NDUFAF2: variants seen among roughly 807,000 people sequenced by gnomAD.
The protein encoded by NDUFAF2 is NADH dehydrogenase [ubiquinone] 1 alpha subcomplex assembly factor 2.
A neutral mutation model predicts 22.8 loss-of-function variants in NDUFAF2; 13 were observed. The ratio of observed to expected loss-of-function variants is 0.57; its 90% CI spans 0.37 to 0.91. The LOEUF is 0.91. Ranked by LOEUF, NDUFAF2 falls within the 40% of genes least tolerant of loss-of-function variation. NDUFAF2 has a pLI of 0.01. For missense variants in NDUFAF2, 162 were observed against 195.2 expected (o/e 0.83, Z 1.01); for synonymous variants, 53 against 64.2 (o/e 0.83, Z 0.84).
chr5:61,109,881 C>T (rs1752816959), intron 3 of NDUFAF2, among the ~76,000 whole-genome samples: 1 of 152,156 alleles, frequency 6.6e-6, no homozygotes, highest in Non-Finnish European at 1.5e-5. Context: ...TAATAAATTA[C>T]CTGGTCTCAA....
chr5:61,100,711 T>C (rs1279384191), intron 3 of NDUFAF2, among the ~76,000 whole-genome samples: 1 of 152,114 alleles, frequency 6.6e-6, no homozygotes, highest in African/African-American at 2.4e-5. Flanking sequence ...GATAGTGAGT[T>C]CCTTTTTTTC....
intron 3 of NDUFAF2, among the ~76,000 whole-genome samples, chr5:61,127,378 A>T (rs911254477): frequency 3.9e-5 from 6 of 152,204 alleles, no homozygotes; most frequent in African/African-American, 1.4e-4. Flanking sequence ...ATTGATGCAA[A>T]AATCCTCAAT....
intron 1 of NDUFAF2, among the ~76,000 whole-genome samples, chr5:61,037,767 G>C (rs1182309276): frequency 6.6e-6 from 1 of 151,898 alleles, no homozygotes; most frequent in Non-Finnish European, 1.5e-5. Context: ...CATATCTTTG[G>C]AAATGGTTCT....
chr5:60,980,473 A>G lies in NDUFAF2; in HGVS notation c.127+35091A>G, dbSNP rs188960254. On this transcript the variant is annotated intron_variant, in intron 1 of 3. Coordinates refer to ENST00000296597, the MANE Select transcript of NDUFAF2 (RefSeq NM_174889.5). ...TAATTTTAACAAAGAAATACAAATA[A>G]TTAAAAAGATCAAGCAGGGCAGGTG... Among the ~76,000 whole-genome samples the G allele has an allele frequency of 2.0e-5, 3 of 152,290 alleles. No individual in the cohort carries two copies. The East Asian group carries it at 5.8e-4, about 30-fold the overall frequency.
At position 61,100,378 on chromosome 5, in the gene NDUFAF2, G is replaced by T. The variant is rs1580133371; in HGVS notation, c.258+1346G>T. Among the ~76,000 whole-genome samples, 4 of 152,058 alleles carry T rather than the reference G, an allele frequency of 2.6e-5. No homozygotes were observed. The East Asian group carries it at 7.7e-4, about 29-fold the overall frequency. On this transcript the variant is annotated intron_variant, in intron 3 of 3. Coordinates refer to ENST00000296597, the MANE Select transcript of NDUFAF2 (RefSeq NM_174889.5). ...CTTCTGTAAATTTTAGGTAATTTCAGCACCTCAAACAATCTCTAGCCAGAA... is the reference window on the plus strand; with the variant it reads ...CTTCTGTAAATTTTAGGTAATTTCATCACCTCAAACAATCTCTAGCCAGAA...
intron 3 of NDUFAF2, among the ~76,000 whole-genome samples, chr5:61,133,365 T>C (rs1429612924): frequency 6.6e-6 from 1 of 152,188 alleles, no homozygotes; most frequent in East Asian, 1.9e-4. Flanking sequence ...AGTGGTGATA[T>C]ATTTTAAGCC....
At chr5:61,076,096 G>T (rs904505539) in intron 2 of NDUFAF2, among the ~76,000 whole-genome samples, 1 of 152,076 alleles carries the variant, frequency 6.6e-6, no homozygotes, top group African/African-American at 2.4e-5. Flanking sequence ...TTTTAAGATG[G>T]AGTCTCGCTC....
rs920297240 is a variant in NDUFAF2 at position 61,073,113 on chromosome 5, T to C, written c.128-12T>C. 2.6e-6 allele frequency: 4 copies of C among 1,565,630 alleles called. No individual in the cohort carries two copies. The East Asian group carries it at 9.0e-5, about 35-fold the overall frequency. On this transcript the variant is annotated splice_polypyrimidine_tract_variant and intron_variant, in intron 1 of 3. Transcript: ENST00000296597. ...TTCATTTAAAAATGTATTAATGACT[T>C]TTGTCTTATAGGACAAACTATTCGA...
At chr5:61,021,398 A>G (rs1751582209) in intron 1 of NDUFAF2, among the ~76,000 whole-genome samples, 1 of 152,078 alleles carries the variant, frequency 6.6e-6, no homozygotes, top group South Asian at 2.1e-4. Flanking sequence ...CATTTTCTGT[A>G]ACTCTGACCC....
At chr5:60,959,388 C>G (rs1036559182) in intron 1 of NDUFAF2, among the ~76,000 whole-genome samples, 1 of 151,948 alleles carries the variant, frequency 6.6e-6, no homozygotes, top group Non-Finnish European at 1.5e-5. Flanking sequence ...AAGCCCTGCA[C>G]TACTGTTTTA....
chr5:61,073,308 C>A, intron 2 of NDUFAF2, 94 bp downstream of exon 2: 1 of 965,762 alleles, frequency 1.0e-6, no homozygotes, highest in Non-Finnish European at 1.6e-6. Flanking sequence ...TACTGTTTCT[C>A]TTTGCAAAAA....
intron 3 of NDUFAF2, among the ~76,000 whole-genome samples, chr5:61,149,756 T>A (rs1022557158): frequency 3.9e-5 from 6 of 152,176 alleles, no homozygotes; most frequent in African/African-American, 1.4e-4. Flanking sequence ...TATGGAGATA[T>A]AGGGTGATAT....
intron 1 of NDUFAF2, among the ~76,000 whole-genome samples, chr5:61,010,267 T>A (rs1751426840): frequency 6.6e-6 from 1 of 152,134 alleles, no homozygotes; most frequent in Non-Finnish European, 1.5e-5. Context: ...ATCCTTAGGA[T>A]CAAGTCTAAG....
chr5:60,956,431 T>C (rs1315231356), intron 1 of NDUFAF2, among the ~76,000 whole-genome samples: 1 of 152,194 alleles, frequency 6.6e-6, no homozygotes, highest in Non-Finnish European at 1.5e-5. Context: ...ATTCCTAACC[T>C]TAGAGGAAAA....
At position 61,071,057 on chromosome 5, in the gene NDUFAF2, ATAGTAAC is replaced by A. The variant is rs1303036688; in HGVS notation, c.128-2066_128-2060del. ...ATGCTAAATTATAAATACTAAATTT[ATAGTAAC>A]TTGTTATGATGTATTTATATATGTG... is the stretch of plus-strand genomic sequence containing the variant. On this transcript the variant is annotated intron_variant, in intron 1 of 3. Coordinates refer to ENST00000296597, the MANE Select transcript of NDUFAF2 (RefSeq NM_174889.5). Among the ~76,000 whole-genome samples, 7 of 152,362 alleles carry A rather than the reference ATAGTAAC, an allele frequency of 4.6e-5. No individual in the cohort carries two copies. The South Asian group carries it at 1.4e-3, about 32-fold the overall frequency.
intron 1 of NDUFAF2, among the ~76,000 whole-genome samples, chr5:61,037,419 T>C (rs1455706579): frequency 1.3e-5 from 2 of 152,110 alleles, no homozygotes; most frequent in South Asian, 2.1e-4. Context: ...TAATGAGAGA[T>C]TTTTTAAATA....
Position 61,057,925 on chromosome 5 carries a change from A to G in NDUFAF2, c.128-15200A>G, listed in dbSNP as rs542140102. On this transcript the variant is annotated intron_variant, in intron 1 of 3. Coordinates refer to ENST00000296597, the MANE Select transcript of NDUFAF2 (RefSeq NM_174889.5). Reference sequence around the variant, plus strand: ...ATTAAATAGATTAATGAAGGGTATTAGTAATTTCATGGATTAATAAATATA... The same window carrying G: ...ATTAAATAGATTAATGAAGGGTATTGGTAATTTCATGGATTAATAAATATA... Among the ~76,000 whole-genome samples the G allele has an allele frequency of 2.0e-5, 3 of 152,324 alleles. No homozygotes were observed. The East Asian group carries it at 5.8e-4, about 29-fold the overall frequency.
intron 1 of NDUFAF2, among the ~76,000 whole-genome samples, chr5:61,027,925 CTTT>C (rs1222070781): frequency 2.0e-5 from 3 of 151,880 alleles, no homozygotes; most frequent in African/African-American, 7.2e-5. Flanking sequence ...TGACTGCCAT[CTTT>C]GTATCAGACA....
At chr5:61,038,382 A>G (rs1751829607) in intron 1 of NDUFAF2, among the ~76,000 whole-genome samples, 1 of 152,208 alleles carries the variant, frequency 6.6e-6, no homozygotes, top group South Asian at 2.1e-4. Context: ...AGAGACTTAG[A>G]AGAGCTGTGT....
Sources: gnomAD v4.1 joint callset for allele counts (sites outside exome capture counted in the v4.1 genomes callset) on GRCh38, gnomAD v4.1.1 for gene constraint, MANE v1.5 for transcripts, NCBI Gene and HGNC (gene_info 2026-07-23, HGNC 2026-07-21) for gene names.